Variants in RPGRIP1 observed in about 807,000 individuals in gnomAD.
RPGRIP1 encodes the protein RPGR interacting protein 1.
Under a neutral mutation model 157.9 loss-of-function variants are expected in RPGRIP1, and 128 were observed. The observed-to-expected ratio is 0.81, with a 90% CI of 0.70 to 0.94. RPGRIP1 has a LOEUF of 0.94. Ranked by LOEUF, RPGRIP1 falls within the 40% of genes least tolerant of loss-of-function variation. The pLI is 0.00. For missense variants in RPGRIP1, 1,486 were observed against 1,545.8 expected (o/e 0.96, Z 0.65); for synonymous variants, 554 against 571.6 (o/e 0.97, Z 0.44).
In RPGRIP1 at chr14:21,327,689, A is replaced by G. The variant is rs746435599; in HGVS notation, c.2777A>G (p.Lys926Arg). Reference sequence around the variant, plus strand: ...TCTATTCAAGTGCAACTGGATTGGAAGTTTCCCTACATACCCCCTGAGAGC... The same window carrying G: ...TCTATTCAAGTGCAACTGGATTGGAGGTTTCCCTACATACCCCCTGAGAGC... ...NGSIQVQLDW[K>R]FPYIPPESFL... Residue 926 changes from lysine to arginine, a missense_variant, in exon 18 of 25, where the codon AAG becomes AGG. Physicochemically the swap from Lys to Arg is conservative, Grantham distance 26 (BLOSUM62 2). Coordinates refer to ENST00000400017, the MANE Select transcript of RPGRIP1 (RefSeq NM_020366.4). 3.1e-6 allele frequency: 5 copies of G among 1,613,968 alleles called. No individual in the cohort carries two copies. Among genetic ancestry groups the G allele is most frequent in the Non-Finnish European group, 4.2e-6 (5 of 1,179,878 alleles).
intron 20 of RPGRIP1, among the ~76,000 whole-genome samples, chr14:21,332,338 G>C (rs547373410): frequency 6.6e-6 from 1 of 152,092 alleles, no homozygotes; most frequent in African/African-American, 2.4e-5. Flanking sequence ...TTTTTCTATT[G>C]ATTATGTAAT....
At chr14:21,338,937 G>A (rs1227529375) in intron 21 of RPGRIP1, among the ~76,000 whole-genome samples, 1 of 152,024 alleles carries the variant, frequency 6.6e-6, no homozygotes, top group Non-Finnish European at 1.5e-5. Flanking sequence ...TCAGGAGTTC[G>A]AGACAAGCCT....
Position 21,303,388 on chromosome 14 carries a change from C to T in RPGRIP1, c.645C>T (p.Pro215=), listed in dbSNP as rs1881123199. The T allele has an allele frequency of 6.8e-6, 11 of 1,613,820 alleles. No homozygotes were observed. The highest frequency in any genetic ancestry group is 9.3e-6 in the Non-Finnish European group (11 of 1,179,822). Reference sequence around the variant, plus strand: ...GCAGTGTCATAAGTATGGCTAAACCCATTGGTCTATGCATGCCTAACAGTG... The same window carrying T: ...GCAGTGTCATAAGTATGGCTAAACCTATTGGTCTATGCATGCCTAACAGTG... The part of the protein sequence containing the change: ...SFSSVISMAK[P]IGLCMPNSAH... Residue 215 remains proline, a synonymous_variant, in exon 6 of 25, where the codon CCC becomes CCT. Coordinates refer to ENST00000400017, the MANE Select transcript of RPGRIP1 (RefSeq NM_020366.4).
At chr14:21,348,035 G>T in intron 23 of RPGRIP1, 137 bp from the exon 24 acceptor site, 4 of 715,836 alleles carry the variant, frequency 5.6e-6, no homozygotes, top group African/African-American at 3.7e-5. Context: ...TTTGCTTATT[G>T]TCATTTTGTA....
At chr14:21,314,272 C>T (rs546721877) in intron 10 of RPGRIP1, among the ~76,000 whole-genome samples, 1 of 151,852 alleles carries the variant, frequency 6.6e-6, no homozygotes, top group Non-Finnish European at 1.5e-5. Flanking sequence ...TGTGCAGAGA[C>T]AGGGTTTCGC....
chr14:21,331,205 G>A (rs958478305), intron 20 of RPGRIP1, among the ~76,000 whole-genome samples: 9 of 149,856 alleles, frequency 6.0e-5, no homozygotes, highest in African/African-American at 2.0e-4. Flanking sequence ...CACTGCACCC[G>A]ACCTAGTTTT....
intron 3 of RPGRIP1, among the ~76,000 whole-genome samples, chr14:21,297,502 G>A (rs187704351): frequency 3.3e-4 from 51 of 152,278 alleles, no homozygotes; most frequent in African/African-American, 1.1e-3. Context: ...GGAGGTGAGG[G>A]AAGGTAAACA....
intron 20 of RPGRIP1, among the ~76,000 whole-genome samples, chr14:21,334,330 C>T (rs1278064384): frequency 1.3e-5 from 2 of 152,142 alleles, no homozygotes; most frequent in Non-Finnish European, 2.9e-5. Context: ...TTCTTCCTTC[C>T]TTACTCTCAC....
At chr14:21,348,065 G>A (rs902292124) in intron 23 of RPGRIP1, 107 bp from the exon 24 acceptor site, 3 of 955,920 alleles carry the variant, frequency 3.1e-6, no homozygotes, top group Non-Finnish European at 4.4e-6. Context: ...CAAGGGAAAA[G>A]TGATTCAGAG....
At chr14:21,295,222 AG>A (rs1361410936) in intron 3 of RPGRIP1, among the ~76,000 whole-genome samples, 2 of 152,120 alleles carry the variant, frequency 1.3e-5, no homozygotes, top group Non-Finnish European at 2.9e-5. Flanking sequence ...CACAGGACAC[AG>A]AGCATCATTA....
intron 3 of RPGRIP1, among the ~76,000 whole-genome samples, chr14:21,298,185 T>C (rs1880875335): frequency 1.3e-5 from 2 of 152,138 alleles, no homozygotes; most frequent in African/African-American, 2.4e-5. Context: ...TTGTTTCATG[T>C]TGATGTTCTG....
chr14:21,295,495 T>C (rs1286037494), intron 3 of RPGRIP1, among the ~76,000 whole-genome samples: 1 of 110,612 alleles, frequency 9.0e-6, no homozygotes, highest in Non-Finnish European at 1.9e-5. Flanking sequence ...TTTTTTTTTT[T>C]TTTTTGAGAT....
intron 6 of RPGRIP1, 144 bp downstream of exon 6, chr14:21,303,687 G>A: frequency 3.0e-6 from 2 of 665,502 alleles, no homozygotes; most frequent in Non-Finnish European, 5.1e-6. Context: ...TCCCTCGTAG[G>A]TTAAGAAATG....
intron 23 of RPGRIP1, among the ~76,000 whole-genome samples, chr14:21,345,684 C>T (rs567036886): frequency 2.1e-4 from 32 of 152,288 alleles, no homozygotes; most frequent in African/African-American, 7.5e-4. Flanking sequence ...GGATTACAGG[C>T]GTGAGCCACC....
At chr14:21,339,463 A>G (rs138000748) in intron 21 of RPGRIP1, among the ~76,000 whole-genome samples, 2,616 of 152,184 alleles carry the variant, frequency 0.017, 27 homozygotes, top group Non-Finnish European at 0.026. Context: ...AAAAAAGAAA[A>G]ATAATTTTAG....
chr14:21,292,231 T>C (rs998383983), intron 2 of RPGRIP1, among the ~76,000 whole-genome samples: 1 of 152,180 alleles, frequency 6.6e-6, no homozygotes, highest in Non-Finnish European at 1.5e-5. Flanking sequence ...TAAAGGCATA[T>C]GGTCATGTTA....
chr14:21,330,260 C>T lies in RPGRIP1; in HGVS notation c.3111C>T (p.Tyr1037=), dbSNP rs1174034497. ...LNGNTPEQVN[Y]TEWKFSETNS... Reference sequence around the variant, plus strand: ...TTCTTATTCTGAAGCAGGTGAATTACACTGAGTGGAAGTTCTCAGAGACTA... The same window carrying T: ...TTCTTATTCTGAAGCAGGTGAATTATACTGAGTGGAAGTTCTCAGAGACTA... The change falls in exon 20 of 25, where the codon TAC becomes TAT. Residue 1037 remains tyrosine, a synonymous_variant. Coordinates refer to ENST00000400017, the MANE Select transcript of RPGRIP1 (RefSeq NM_020366.4). 1 of 1,563,024 alleles carries T rather than the reference C, an allele frequency of 6.4e-7. No homozygotes were observed. Among genetic ancestry groups the T allele is most frequent in the Non-Finnish European group, 8.6e-7 (1 of 1,160,560 alleles).
At position 21,287,965 on chromosome 14, in the gene RPGRIP1, G is replaced by A. The variant is rs755761470; in HGVS notation, c.-12G>A. The A allele has an allele frequency of 3.1e-6, 5 of 1,596,206 alleles. No homozygotes were observed. The East Asian group carries it at 8.9e-5, about 29-fold the overall frequency. On this transcript the variant is annotated 5_prime_UTR_variant, in exon 2 of 25. Transcript: ENST00000400017. ...GTCCTCTGGGATCTCTTACAGCTTG[G>A]GAACAGAGATCATGTCACATCTGGT...
At chr14:21,335,690 G>T (rs866400757) in intron 21 of RPGRIP1, among the ~76,000 whole-genome samples, 1 of 152,122 alleles carries the variant, frequency 6.6e-6, no homozygotes, top group African/African-American at 2.4e-5. Context: ...AATTAGCCGG[G>T]CGTGGTGGCT....
Sources: allele counts gnomAD v4.1 joint callset (sites outside exome capture counted in the v4.1 genomes callset), GRCh38; gene constraint gnomAD v4.1.1; transcripts MANE v1.5; gene names NCBI Gene and HGNC (gene_info 2026-07-23, HGNC 2026-07-21).